Variants in HPSE2 observed in about 807,000 individuals in gnomAD.
The protein encoded by HPSE2 is heparanase 2 (inactive), also known as inactive heparanase-2.
A neutral mutation model predicts 60.5 loss-of-function variants in HPSE2; 38 were observed. That is an observed-to-expected ratio of 0.63 (90% confidence interval 0.48 to 0.82). The LOEUF (loss-of-function observed/expected upper bound fraction) is 0.82, where lower values mean the gene tolerates loss of function less well. HPSE2 is among the 40% of genes least tolerant of loss of function. HPSE2 has a pLI of 0.00. For synonymous variants in HPSE2, 295 were observed against 293.2 expected, an observed-to-expected ratio of 1.01 and a Z score of -0.06; for missense variants, 713 against 740.4, an observed-to-expected ratio of 0.96 and a Z score of 0.43.
chr10:98,860,977 C>T (rs1952445804), intron 3 of HPSE2, among the ~76,000 whole-genome samples: 1 of 152,164 alleles, frequency 6.6e-6, no homozygotes, highest in Non-Finnish European at 1.5e-5. Flanking sequence ...CAATCCATTA[C>T]ATCATACAGA....
At chr10:99,102,159 C>T (rs1008368992) in intron 3 of HPSE2, among the ~76,000 whole-genome samples, 2 of 115,364 alleles carry the variant, frequency 1.7e-5, no homozygotes, top group African/African-American at 5.1e-5. Context: ...AATAGAGACA[C>T]AAAAAACCCT....
At chr10:99,075,512 T>A (rs1216888565) in intron 3 of HPSE2, among the ~76,000 whole-genome samples, 1 of 152,136 alleles carries the variant, frequency 6.6e-6, no homozygotes, top group Non-Finnish European at 1.5e-5. Flanking sequence ...GTTGTTGGGT[T>A]AAATAATTGA....
intron 9 of HPSE2, among the ~76,000 whole-genome samples, chr10:98,524,632 T>C (rs1295490204): frequency 6.6e-6 from 1 of 152,236 alleles, no homozygotes; most frequent in Non-Finnish European, 1.5e-5. Context: ...TTTCAGTTCT[T>C]CCTTACTTAT....
chr10:98,651,232 T>C (rs544426171), intron 6 of HPSE2, among the ~76,000 whole-genome samples: 1 of 152,318 alleles, frequency 6.6e-6, no homozygotes, highest in South Asian at 2.1e-4. Flanking sequence ...TTTAAAGGCA[T>C]TATTTACCAT....
intron 9 of HPSE2, among the ~76,000 whole-genome samples, chr10:98,598,378 A>G (rs938120161): frequency 8.6e-5 from 13 of 151,846 alleles, no homozygotes; most frequent in Non-Finnish European, 1.2e-4. Context: ...TCCTGGATCC[A>G]CTGTGGTAGA....
rs573095010 is a variant in HPSE2, at chr10:98,807,592, G to C, written c.611-63536C>G. ...ATTCATAGGTATGACTGTTCCCAGA[G>C]AGTTGTGCTGATAACACGATGGATT... On this transcript the variant is annotated intron_variant, in intron 3 of 11. Transcript: ENST00000370552. 2.0e-5 allele frequency among the ~76,000 whole-genome samples: 3 copies of C among 152,338 alleles called. No homozygotes were observed. In the South Asian group the frequency reaches 6.2e-4, roughly 32 times the overall value.
intron 3 of HPSE2, among the ~76,000 whole-genome samples, chr10:98,757,014 A>G (rs1949893766): frequency 2.0e-5 from 3 of 152,180 alleles, no homozygotes; most frequent in Non-Finnish European, 4.4e-5. Context: ...CTGGGATGCA[A>G]CATTGCATAT....
chr10:99,133,130 G>T (rs1415857080), intron 3 of HPSE2, among the ~76,000 whole-genome samples: 1 of 152,218 alleles, frequency 6.6e-6, no homozygotes, highest in Non-Finnish European at 1.5e-5. Flanking sequence ...CCTCTGAAAA[G>T]TTCAAACTGG....
chr10:99,034,266 T>C (rs1957560968), intron 3 of HPSE2, among the ~76,000 whole-genome samples: 1 of 152,206 alleles, frequency 6.6e-6, no homozygotes, highest in Non-Finnish European at 1.5e-5. Flanking sequence ...AACCTATGTA[T>C]TGTATGATTC....
At chr10:99,101,497 T>G (rs1355757120) in intron 3 of HPSE2, among the ~76,000 whole-genome samples, 1 of 152,134 alleles carries the variant, frequency 6.6e-6, no homozygotes, top group Non-Finnish European at 1.5e-5. Context: ...AGCAAGTCCT[T>G]AGAGACCTAC....
intron 3 of HPSE2, among the ~76,000 whole-genome samples, chr10:98,793,467 T>C (rs892579208): frequency 6.6e-6 from 1 of 152,250 alleles, no homozygotes; most frequent in African/African-American, 2.4e-5. Flanking sequence ...TCAACGAATA[T>C]TACTGAGCAC....
rs149125534 is a variant in HPSE2, at chr10:99,062,011, A to G, written c.610+82227T>C. On this transcript the variant is annotated intron_variant, in intron 3 of 11. Coordinates refer to ENST00000370552, the MANE Select transcript of HPSE2 (RefSeq NM_021828.5). ...GGGCATAGAGGAGGGAGAAATGGGC[A>G]TGCAAAGCAACTGCCCCAAGTCTTT... Among the ~76,000 whole-genome samples, 629 of 152,322 alleles carry G rather than the reference A, an allele frequency of 4.1e-3. 6 individuals are homozygous for G. Among genetic ancestry groups the G allele is most frequent in the African/African-American group, 0.015 (603 of 41,562 alleles).
intron 3 of HPSE2, among the ~76,000 whole-genome samples, chr10:99,139,766 T>C (rs1396941162): frequency 6.6e-6 from 1 of 152,180 alleles, no homozygotes; most frequent in Non-Finnish European, 1.5e-5. Flanking sequence ...ACATTTTACA[T>C]TAGTGTCAGG....
chr10:98,717,076 C>T (rs1004595711), intron 5 of HPSE2, among the ~76,000 whole-genome samples: 6 of 152,080 alleles, frequency 3.9e-5, no homozygotes, highest in African/African-American at 1.4e-4. Flanking sequence ...GCTGCTTTCC[C>T]TTGTACTTTT....
chr10:98,593,382 T>C (rs1337905127), intron 9 of HPSE2, among the ~76,000 whole-genome samples: 1 of 151,976 alleles, frequency 6.6e-6, no homozygotes, highest in African/African-American at 2.4e-5. Flanking sequence ...ATCCAGATTA[T>C]GGAAAGCGTT....
rs566543216 is a variant in HPSE2, at chr10:98,541,849, A to G, written c.1321-51653T>C. On this transcript the variant is annotated intron_variant, in intron 9 of 11. Transcript: ENST00000370552. ...ACTGGGTGGAGCCCACCACAGCTCA[A>G]GGAGGCCTGCCTGCCTCTGTAGGCT... 1.2e-4 allele frequency among the ~76,000 whole-genome samples: 19 copies of G among 152,350 alleles called. No individual in the cohort carries two copies. In the East Asian group the frequency reaches 3.7e-3, roughly 29 times the overall value.
chr10:99,048,185 G>A (rs1468330774), intron 3 of HPSE2: 15 of 661,602 alleles, frequency 2.3e-5, no homozygotes, highest in Non-Finnish European at 3.8e-5. Flanking sequence ...CGGTAAATAT[G>A]GCATCATCTG....
chr10:98,720,998 T>C (rs568112362), intron 5 of HPSE2, among the ~76,000 whole-genome samples: 7 of 152,318 alleles, frequency 4.6e-5, no homozygotes, highest in Middle Eastern at 3.4e-3. Flanking sequence ...TTGCTGGGGA[T>C]GTTTATGTGT....
rs35314282 is a variant in HPSE2 at position 98,949,250 on chromosome 10, GCACACACA to G, written c.610+194980_610+194987del. ...AACACGCACACGCACACGCATGCGTGCACACACACACACACACACACACACAAATTCTA... is the reference window on the plus strand; with the variant it reads ...AACACGCACACGCACACGCATGCGTGCACACACACACACACACAAATTCTA... On this transcript the variant is annotated intron_variant, in intron 3 of 11. Transcript: ENST00000370552. Among the ~76,000 whole-genome samples, 248 of 150,954 alleles carry G rather than the reference GCACACACA, an allele frequency of 1.6e-3. 2 individuals carry two copies. Among genetic ancestry groups the G allele is most frequent in the South Asian group, 0.016 (76 of 4,774 alleles).
Sources: allele counts gnomAD v4.1 joint callset (sites outside exome capture counted in the v4.1 genomes callset), GRCh38; gene constraint gnomAD v4.1.1; transcripts MANE v1.5; gene names NCBI Gene and HGNC (gene_info 2026-07-23, HGNC 2026-07-21).